The following ARHGAP20 variants were observed in gnomAD, a reference collection of about 807,000 sequenced individuals.
ARHGAP20 encodes the protein rho GTPase-activating protein 20.
A neutral mutation model predicts 73.7 loss-of-function variants in ARHGAP20; 34 were observed. The ratio of observed to expected loss-of-function variants is 0.46; its 90% CI spans 0.35 to 0.61. The LOEUF is 0.61. Among genes scored for constraint, ARHGAP20 ranks in the 20% least tolerant of loss-of-function variants. ARHGAP20 has a pLI of 0.00. For missense variants in ARHGAP20, 1,314 were observed against 1,420.9 expected, an observed-to-expected ratio of 0.92 and a Z score of 1.21; for synonymous variants, 523 against 518.2, an observed-to-expected ratio of 1.01 and a Z score of -0.13.
chr11:110,674,308 G>A (rs1216990500), intron 2 of ARHGAP20, among the ~76,000 whole-genome samples: 1 of 152,138 alleles, frequency 6.6e-6, no homozygotes, highest in Non-Finnish European at 1.5e-5. Flanking sequence ...TATACACAAT[G>A]TACTTAGTTT....
At position 110,650,852 on chromosome 11, in the gene ARHGAP20, G is replaced by A. The variant is rs145487182; in HGVS notation, c.189-20060C>T. On this transcript the variant is annotated intron_variant, in intron 2 of 14. Transcript: ENST00000683387. The stretch of plus-strand genomic sequence containing the variant: ...TACCCCTCTCAAAGACCTGGGTTGT[G>A]TACACATGTGCTAAGATGCCCAATG... 3.5e-3 allele frequency among the ~76,000 whole-genome samples: 535 copies of A among 152,266 alleles called. 3 individuals carry two copies. Among genetic ancestry groups the A allele is most frequent in the African/African-American group, 0.012 (500 of 41,562 alleles).
At chr11:110,698,756 T>C (rs576626258) in intron 1 of ARHGAP20, among the ~76,000 whole-genome samples, 26 of 152,148 alleles carry the variant, frequency 1.7e-4, no homozygotes, top group Non-Finnish European at 3.5e-4. Context: ...ATGTTATCAA[T>C]TGTAATATCA....
chr11:110,624,455 G>A, intron 3 of ARHGAP20, 144 bp from the exon 4 acceptor site: 1 of 622,054 alleles, frequency 1.6e-6, no homozygotes, highest in South Asian at 2.3e-5. Flanking sequence ...AAGAGTGAGA[G>A]CTGAACATTG....
chr11:110,596,384 C>A (rs1175840740), intron 9 of ARHGAP20, among the ~76,000 whole-genome samples: 6 of 150,174 alleles, frequency 4.0e-5, no homozygotes, highest in Non-Finnish European at 8.9e-5. Context: ...AACATTTTTG[C>A]AACCTACTCA....
intron 11 of ARHGAP20, among the ~76,000 whole-genome samples, chr11:110,589,957 C>G (rs1947779806): frequency 6.6e-6 from 1 of 152,030 alleles, no homozygotes; most frequent in South Asian, 2.1e-4. Context: ...CCCATCTCTA[C>G]TAAAAATACA....
chr11:110,610,321 T>C (rs900064377), intron 7 of ARHGAP20, among the ~76,000 whole-genome samples: 1 of 149,816 alleles, frequency 6.7e-6, no homozygotes, highest in African/African-American at 2.5e-5. Flanking sequence ...AATAATACTA[T>C]GGCATGTCTT....
intron 8 of ARHGAP20, among the ~76,000 whole-genome samples, chr11:110,607,533 T>C (rs192933218): frequency 6.6e-6 from 1 of 152,334 alleles, no homozygotes; most frequent in East Asian, 1.9e-4. Context: ...TTTTTTTAAG[T>C]ACAGAGAGCA....
At chr11:110,645,815 A>G (rs1361622981) in intron 2 of ARHGAP20, among the ~76,000 whole-genome samples, 1 of 152,208 alleles carries the variant, frequency 6.6e-6, no homozygotes, top group Non-Finnish European at 1.5e-5. Context: ...TGTCCTTTGC[A>G]GCAATATGGA....
At chr11:110,676,686 T>C (rs1949937872) in intron 2 of ARHGAP20, among the ~76,000 whole-genome samples, 1 of 152,190 alleles carries the variant, frequency 6.6e-6, no homozygotes, top group African/African-American at 2.4e-5. Context: ...AAAATTTTTT[T>C]TGTACCTCCT....
intron 8 of ARHGAP20, among the ~76,000 whole-genome samples, chr11:110,608,275 A>G (rs1248755540): frequency 6.6e-6 from 1 of 152,198 alleles, no homozygotes; most frequent in Non-Finnish European, 1.5e-5. Flanking sequence ...TGGTAAAGAT[A>G]CTGTCCTTTA....
chr11:110,624,591 A>G (rs1330986534), intron 3 of ARHGAP20, among the ~76,000 whole-genome samples: 1 of 151,850 alleles, frequency 6.6e-6, no homozygotes, highest in African/African-American at 2.4e-5. Context: ...ACGTAACCCT[A>G]TGCAACAAAC....
intron 9 of ARHGAP20, among the ~76,000 whole-genome samples, chr11:110,592,676 G>C (rs1458769740): frequency 6.6e-6 from 1 of 152,114 alleles, no homozygotes; most frequent in Non-Finnish European, 1.5e-5. Context: ...GAAGAAGGAA[G>C]AGAAGGGAAG....
At chr11:110,690,898 G>T in intron 1 of ARHGAP20, 1 of 1,187,172 alleles carries the variant, frequency 8.4e-7, no homozygotes, top group Non-Finnish European at 1.2e-6. Context: ...GAATATTTGG[G>T]AGAAACACCA....
intron 11 of ARHGAP20, among the ~76,000 whole-genome samples, chr11:110,588,820 A>C (rs1947742240): frequency 6.6e-6 from 1 of 152,156 alleles, no homozygotes; most frequent in Non-Finnish European, 1.5e-5. Context: ...TTGTTTTAAA[A>C]CACAAGCTTG....
At chr11:110,699,399 G>C (rs1441472862) in intron 1 of ARHGAP20, among the ~76,000 whole-genome samples, 1 of 151,930 alleles carries the variant, frequency 6.6e-6, no homozygotes, top group Non-Finnish European at 1.5e-5. Flanking sequence ...AGAATGTTCT[G>C]TAAATGTTTG....
In ARHGAP20 at chr11:110,711,817, G is replaced by A. The variant is rs1219738727; in HGVS notation, c.105+310C>T. ...GGCGATCGCCCACTACAGCCCGCGC[G>A]CCTAGACTGAGGGAGGAGCCGGGCT... On this transcript the variant is annotated intron_variant, in intron 1 of 14. Transcript: ENST00000683387. 1.1e-5 allele frequency: 14 copies of A among 1,324,174 alleles called. No homozygotes were observed. In the East Asian group the frequency reaches 3.1e-4, roughly 30 times the overall value. The allele number at this position is 1,324,174 out of a possible 1,614,324, so 82.0% of individuals were successfully genotyped here.
intron 8 of ARHGAP20, among the ~76,000 whole-genome samples, chr11:110,607,172 AC>A (rs1163594605): frequency 1.3e-5 from 2 of 152,204 alleles, no homozygotes; most frequent in Non-Finnish European, 2.9e-5. Context: ...TTTTCTACCT[AC>A]CACAGAAGTA....
intron 4 of ARHGAP20, among the ~76,000 whole-genome samples, chr11:110,618,050 C>T (rs898568877): frequency 6.6e-6 from 1 of 152,056 alleles, no homozygotes; most frequent in Non-Finnish European, 1.5e-5. Context: ...AGGCTGGGTC[C>T]TAGGCACCAA....
chr11:110,695,283 G>A, intron 1 of ARHGAP20, among the ~76,000 whole-genome samples: 1 of 151,468 alleles, frequency 6.6e-6, no homozygotes, highest in East Asian at 1.9e-4. Flanking sequence ...TGAGGCAGTG[G>A]CTTCTTATTA....
Sources: gnomAD v4.1 joint callset for allele counts (sites outside exome capture counted in the v4.1 genomes callset) on GRCh38, gnomAD v4.1.1 for gene constraint, MANE v1.5 for transcripts, NCBI Gene and HGNC (gene_info 2026-07-23, HGNC 2026-07-21) for gene names.